Variants in PALS2 observed in about 807,000 individuals in gnomAD.
The protein encoded by PALS2 is protein PALS2.
In PALS2, 27 loss-of-function variants were observed where a neutral mutation model predicts 61.6. The ratio of observed to expected loss-of-function variants is 0.44; its 90% CI spans 0.32 to 0.60. The LOEUF is 0.60. PALS2 is among the 20% of genes least tolerant of loss of function. PALS2 has a pLI of 0.05. For missense variants in PALS2, 554 were observed against 639.4 expected, an observed-to-expected ratio of 0.87 and a Z score of 1.44; for synonymous variants, 236 against 218.6, an observed-to-expected ratio of 1.08 and a Z score of -0.70.
chr7:24,646,358 A>C (rs928798333), intron 3 of PALS2, among the ~76,000 whole-genome samples: 2 of 152,214 alleles, frequency 1.3e-5, no homozygotes, highest in Non-Finnish European at 2.9e-5. Flanking sequence ...AATTTTTAAC[A>C]TGAAGGGTTG....
chr7:24,588,672 A>G (rs745425413), intron 1 of PALS2, among the ~76,000 whole-genome samples: 1 of 152,220 alleles, frequency 6.6e-6, no homozygotes, highest in Non-Finnish European at 1.5e-5. Flanking sequence ...GCTTACAGAT[A>G]AAGATTGCCA....
rs769291787 is a variant in PALS2 at position 24,641,788 on chromosome 7, C to G, written c.190C>G (p.Leu64Val). The G allele has an allele frequency of 1.2e-6, 2 of 1,612,664 alleles. No homozygotes were observed. Among genetic ancestry groups the G allele is most frequent in the African/African-American group, 2.7e-5 (2 of 74,848 alleles). Reference sequence around the variant, plus strand: ...TAACTTGGAATTAGTCAATGAAATTCTTGAAGACATCACTCCTCTAATAAA... The same window carrying G: ...TAACTTGGAATTAGTCAATGAAATTGTTGAAGACATCACTCCTCTAATAAA... ...DNNLELVNEILEDITPLINVD... is the reference protein window; with the variant it reads ...DNNLELVNEIVEDITPLINVD... The change falls in exon 3 of 12, where the codon CTT (leucine) becomes GTT (valine). Residue 64 changes from leucine (L) to valine (V), a missense_variant. By Grantham distance (32) the Leu-to-Val change is conservative. Transcript: ENST00000222644.
chr7:24,637,873 C>T (rs1264664476), intron 2 of PALS2, among the ~76,000 whole-genome samples: 1 of 152,076 alleles, frequency 6.6e-6, no homozygotes, highest in Non-Finnish European at 1.5e-5. Context: ...TACTCAATGC[C>T]AGTCATAGAA....
intron 11 of PALS2, among the ~76,000 whole-genome samples, chr7:24,681,142 A>C (rs1392806054): frequency 1.3e-5 from 2 of 151,972 alleles, no homozygotes; most frequent in Non-Finnish European, 2.9e-5. Flanking sequence ...ATTAACAGGC[A>C]TGTTTATTAT....
In PALS2 at chr7:24,692,054, C is replaced by G. The variant is rs571768755; in HGVS notation, c.*4440C>G. ...GTTATTTTTAAATTGCATTTTTGTT[C>G]TAACGTTTTGCAATTTATATTCTTT... is the stretch of plus-strand genomic sequence containing the variant. On this transcript the variant is annotated 3_prime_UTR_variant, in exon 12 of 12. Coordinates refer to ENST00000222644, the MANE Select transcript of PALS2 (RefSeq NM_001303037.2). 2.0e-5 allele frequency: 3 copies of G among 152,044 alleles called. No individual in the cohort carries two copies. The highest frequency in any genetic ancestry group is 4.8e-5 in the African/African-American group (2 of 41,516). The allele number at this position is 152,044 out of a possible 1,614,324, so 9.4% of individuals were successfully genotyped here. A position where few individuals can be genotyped will look rare whatever the true frequency, so the allele number is the denominator to read the frequency against.
rs74609805 is a variant in PALS2, at chr7:24,659,467, C to T, written c.652-4123C>T. On this transcript the variant is annotated intron_variant, in intron 5 of 11. Coordinates refer to ENST00000222644, the MANE Select transcript of PALS2 (RefSeq NM_001303037.2). ...CTGAACTAATTTACATGTCCACTAG[C>T]GGTTCCCTTTTCTCTGCAACTTTGC... is the stretch of plus-strand genomic sequence containing the variant. Among the ~76,000 whole-genome samples, 795 of 152,324 alleles carry T rather than the reference C, an allele frequency of 5.2e-3. 7 individuals are homozygous for T. Among genetic ancestry groups the T allele is most frequent in the African/African-American group, 0.017 (725 of 41,572 alleles).
chr7:24,592,344 A>G lies in PALS2; in HGVS notation c.-3+18751A>G, dbSNP rs539132029. 2.1e-4 allele frequency among the ~76,000 whole-genome samples: 32 copies of G among 152,220 alleles called. 1 individual carries two copies. The East Asian group carries it at 2.5e-3, about 12-fold the overall frequency. The stretch of plus-strand genomic sequence containing the variant: ...TACAGCAGTATGAAGCAATGAATCT[A>G]TGGAATGGCAAATGGTCCAGAGTGG... On this transcript the variant is annotated intron_variant, in intron 1 of 11. Transcript: ENST00000222644.
intron 2 of PALS2, among the ~76,000 whole-genome samples, chr7:24,633,239 G>A (rs1785080481): frequency 6.6e-6 from 1 of 150,530 alleles, no homozygotes; most frequent in Non-Finnish European, 1.5e-5. Context: ...AACATTTCTT[G>A]CAAGACAGGT....
intron 11 of PALS2, 60 bp downstream of exon 11, chr7:24,680,580 C>G: frequency 6.6e-7 from 1 of 1,522,308 alleles, no homozygotes. Flanking sequence ...GCATGTTTAA[C>G]TGTTATCTAA....
chr7:24,625,900 G>A (rs1054162693), intron 2 of PALS2, among the ~76,000 whole-genome samples: 7 of 152,006 alleles, frequency 4.6e-5, no homozygotes, highest in Non-Finnish European at 8.8e-5. Flanking sequence ...GAGGAATTCC[G>A]CTTCCAAGAA....
rs1339283100 is a variant in PALS2 at position 24,691,921 on chromosome 7, AAATTT to A, written c.*4310_*4314del. On this transcript the variant is annotated 3_prime_UTR_variant, in exon 12 of 12. Transcript: ENST00000222644. ...TATATAGTACAAATGAATACTCACA[AAATTT>A]AAGAATACATTTGACTAATAATTGA... The A allele has an allele frequency of 3.9e-5, 6 of 152,146 alleles. No individual in the cohort carries two copies. Among genetic ancestry groups the A allele is most frequent in the African/African-American group, 1.4e-4 (6 of 41,458 alleles). The allele number at this position is 152,146 out of a possible 1,614,324, so 9.4% of individuals were successfully genotyped here.
intron 1 of PALS2, among the ~76,000 whole-genome samples, chr7:24,610,085 T>C (rs1219457467): frequency 2.0e-5 from 3 of 152,182 alleles, no homozygotes; most frequent in African/African-American, 4.8e-5. Flanking sequence ...AATAAAGAGT[T>C]AACTGCTTTC....
intron 1 of PALS2, among the ~76,000 whole-genome samples, chr7:24,578,845 C>G: frequency 6.6e-6 from 1 of 152,178 alleles, no homozygotes; most frequent in East Asian, 1.9e-4. Flanking sequence ...CTCGTCTCTC[C>G]TCTTTTTAAA....
chr7:24,632,549 C>T (rs916682268), intron 2 of PALS2, among the ~76,000 whole-genome samples: 7 of 151,848 alleles, frequency 4.6e-5, no homozygotes, highest in African/African-American at 1.7e-4. Flanking sequence ...ACAGGCACGC[C>T]CAGCTTATTT....
At position 24,641,750 on chromosome 7, in the gene PALS2, C is replaced by G; in HGVS notation, c.152C>G (p.Ala51Gly). ...HERLEDSKLEAVSDNNLELVN... is the reference protein window; with the variant it reads ...HERLEDSKLEGVSDNNLELVN... Reference sequence around the variant, plus strand: ...AGGCTAGAAGATTCCAAACTAGAAGCTGTCAGTGACAATAACTTGGAATTA... The same window carrying G: ...AGGCTAGAAGATTCCAAACTAGAAGGTGTCAGTGACAATAACTTGGAATTA... The change falls in exon 3 of 12, where the codon GCT becomes GGT. Residue 51 changes from alanine (A) to glycine (G), a missense_variant. Ala to Gly is a moderately conservative substitution (Grantham distance 60). Coordinates refer to ENST00000222644, the MANE Select transcript of PALS2 (RefSeq NM_001303037.2). 5 of 1,611,844 alleles carry G rather than the reference C, an allele frequency of 3.1e-6. No homozygotes were observed. Among genetic ancestry groups the G allele is most frequent in the Non-Finnish European group, 4.2e-6 (5 of 1,178,816 alleles).
intron 1 of PALS2, 24 bp from the exon 2 acceptor site, chr7:24,623,639 GTTT>G (rs1784614489): frequency 7.3e-7 from 1 of 1,375,304 alleles, no homozygotes; most frequent in African/African-American, 1.5e-5. Flanking sequence ...TTGTTTGTTT[GTTT>G]TTATGTTGCT....
At chr7:24,607,706 G>A (rs913452728) in intron 1 of PALS2, among the ~76,000 whole-genome samples, 4 of 151,070 alleles carry the variant, frequency 2.6e-5, no homozygotes, top group Non-Finnish European at 5.9e-5. Context: ...TTTGTTTTTG[G>A]ATGCTGATTG....
intron 9 of PALS2, among the ~76,000 whole-genome samples, chr7:24,676,306 T>G (rs1297016412): frequency 6.6e-6 from 1 of 151,458 alleles, no homozygotes; most frequent in African/African-American, 2.4e-5. Flanking sequence ...TTGGGAAAAT[T>G]TTCTCCCATT....
At chr7:24,681,028 C>A (rs1278169413) in intron 11 of PALS2, among the ~76,000 whole-genome samples, 1 of 152,026 alleles carries the variant, frequency 6.6e-6, no homozygotes, top group South Asian at 2.1e-4. Flanking sequence ...TATTTTAAAT[C>A]AAAAGTTTAG....
Sources: allele counts gnomAD v4.1 joint callset (sites outside exome capture counted in the v4.1 genomes callset), GRCh38; gene constraint gnomAD v4.1.1; transcripts MANE v1.5; gene names NCBI Gene and HGNC (gene_info 2026-07-23, HGNC 2026-07-21).